Variants in CRPPA observed in about 807,000 individuals in gnomAD.
The protein encoded by CRPPA is D-ribitol-5-phosphate cytidylyltransferase.
Under a neutral mutation model 52.0 loss-of-function variants are expected in CRPPA, and 43 were observed. That is an observed-to-expected ratio of 0.83 (90% CI 0.65 to 1.07). The LOEUF (loss-of-function observed/expected upper bound fraction) is 1.07, where lower values mean the gene tolerates loss of function less well. CRPPA is among the 50% of genes least tolerant of loss of function. CRPPA has a pLI of 0.00. For synonymous variants in CRPPA, 250 were observed against 203.5 expected (o/e 1.23, Z -1.94); for missense variants, 629 against 551.7 (o/e 1.14, Z -1.40).
chr7:16,414,457 T>A (rs1788145499), intron 1 of CRPPA, among the ~76,000 whole-genome samples: 1 of 151,924 alleles, frequency 6.6e-6, no homozygotes, highest in South Asian at 2.1e-4. Flanking sequence ...TGGCAGGAAT[T>A]TTTGCCTCCT....
chr7:16,274,980 G>T (rs1458265457), intron 6 of CRPPA, among the ~76,000 whole-genome samples: 2 of 152,076 alleles, frequency 1.3e-5, no homozygotes, highest in Non-Finnish European at 2.9e-5. Flanking sequence ...GGAGGCTGAG[G>T]CACGAGAATC....
chr7:16,314,940 T>C (rs1159744421), intron 3 of CRPPA, among the ~76,000 whole-genome samples: 1 of 152,126 alleles, frequency 6.6e-6, no homozygotes, highest in Admixed American at 6.6e-5. Context: ...TTTGGAGAAA[T>C]TTCCAGTCAT....
intron 2 of CRPPA, among the ~76,000 whole-genome samples, chr7:16,399,150 C>G (rs867161093): frequency 6.6e-6 from 1 of 152,230 alleles, no homozygotes; most frequent in East Asian, 1.9e-4. Context: ...GTGACCAAAG[C>G]ATGATTGACA....
intron 9 of CRPPA, among the ~76,000 whole-genome samples, chr7:16,169,673 T>C (rs1021875988): frequency 6.6e-6 from 1 of 152,248 alleles, no homozygotes; most frequent in Admixed American, 6.5e-5. Context: ...ATAACTGTAC[T>C]TGAAATGAAG....
chr7:16,151,503 A>G (rs1160203210), intron 9 of CRPPA, among the ~76,000 whole-genome samples: 1 of 152,140 alleles, frequency 6.6e-6, no homozygotes, highest in Non-Finnish European at 1.5e-5. Flanking sequence ...ATCAGAAGAT[A>G]ACACTATAGT....
chr7:16,409,966 A>G (rs1190262234), intron 1 of CRPPA, among the ~76,000 whole-genome samples: 1 of 152,202 alleles, frequency 6.6e-6, no homozygotes, highest in Non-Finnish European at 1.5e-5. Context: ...AGTCTCATCT[A>G]CTGGGGGCAG....
At position 16,406,117 on chromosome 7, in the gene CRPPA, G is replaced by A; in HGVS notation, c.478C>T (p.Pro160Ser). ...AGAAGGACACCTTCCTCAACAAATG[G>A]TCTCACAGCATCATGGATAATCACT... ...EVVIIHDAVR[P>S]FVEEGVLLKV... Residue 160 changes from proline to serine, a missense_variant, in exon 2 of 10, where the codon CCA becomes TCA. Physicochemically the swap from Pro to Ser is moderately conservative, Grantham distance 74. Transcript: ENST00000407010. 1 of 1,613,848 alleles carries A rather than the reference G, an allele frequency of 6.2e-7. No individual in the cohort carries two copies. Among genetic ancestry groups the A allele is most frequent in the Non-Finnish European group, 8.5e-7 (1 of 1,179,850 alleles).
chr7:16,420,065 T>C (rs967401966), intron 1 of CRPPA, among the ~76,000 whole-genome samples: 2 of 152,174 alleles, frequency 1.3e-5, no homozygotes, highest in Non-Finnish European at 2.9e-5. Flanking sequence ...TTTTGAAGCA[T>C]GTGTGAGGGT....
At chr7:16,250,367 C>T (rs968205566) in intron 8 of CRPPA, among the ~76,000 whole-genome samples, 9 of 152,138 alleles carry the variant, frequency 5.9e-5, no homozygotes, top group East Asian at 1.9e-4. Flanking sequence ...TCAGGAAATA[C>T]AGAGACCACC....
At chr7:16,281,965 T>A (rs566843685) in intron 5 of CRPPA, among the ~76,000 whole-genome samples, 1 of 152,318 alleles carries the variant, frequency 6.6e-6, no homozygotes, top group South Asian at 2.1e-4. Context: ...TAATCACTCT[T>A]GCCAAGGTCT....
chr7:16,194,580 G>A (rs1040276975), intron 9 of CRPPA, among the ~76,000 whole-genome samples: 1 of 152,094 alleles, frequency 6.6e-6, no homozygotes, highest in Non-Finnish European at 1.5e-5. Context: ...AGAACAATCT[G>A]AGTGCCAAAG....
Position 16,168,551 on chromosome 7 carries a change from A to T in CRPPA, c.1251+47515T>A, listed in dbSNP as rs906833768. Among the ~76,000 whole-genome samples, 11 of 151,532 alleles carry T rather than the reference A, an allele frequency of 7.3e-5. No homozygotes were observed. In the East Asian group the frequency reaches 2.1e-3, roughly 29 times the overall value. ...TGAAGTAAAACACACACACACACACACACACACACACACACACACACACAC... is the reference window on the plus strand; with the variant it reads ...TGAAGTAAAACACACACACACACACTCACACACACACACACACACACACAC... On this transcript the variant is annotated intron_variant, in intron 9 of 9. Coordinates refer to ENST00000407010, the MANE Select transcript of CRPPA (RefSeq NM_001101426.4).
At chr7:16,341,233 A>G (rs1321953977) in intron 3 of CRPPA, among the ~76,000 whole-genome samples, 2 of 152,068 alleles carry the variant, frequency 1.3e-5, no homozygotes, top group Non-Finnish European at 2.9e-5. Flanking sequence ...CCTAGTGTAA[A>G]CTATGAACTC....
chr7:16,366,450 A>T (rs1786590405), intron 3 of CRPPA, among the ~76,000 whole-genome samples: 1 of 152,214 alleles, frequency 6.6e-6, no homozygotes, highest in African/African-American at 2.4e-5. Flanking sequence ...GCTACAGAAG[A>T]TGTGGCTGAA....
chr7:16,373,265 T>A (rs1015044154), intron 3 of CRPPA, among the ~76,000 whole-genome samples: 1 of 151,752 alleles, frequency 6.6e-6, no homozygotes, highest in Non-Finnish European at 1.5e-5. Flanking sequence ...CATTGCAGTC[T>A]AGCCTGGGCA....
chr7:16,400,908 G>C (rs1045591948), intron 2 of CRPPA, among the ~76,000 whole-genome samples: 4 of 152,178 alleles, frequency 2.6e-5, no homozygotes, highest in Non-Finnish European at 5.9e-5. Flanking sequence ...GTGAGGTCTG[G>C]GGGAATCCTA....
chr7:16,274,220 T>C (rs976875968), intron 6 of CRPPA, among the ~76,000 whole-genome samples: 1 of 152,040 alleles, frequency 6.6e-6, no homozygotes, highest in Admixed American at 6.5e-5. Context: ...CAGCTAATTT[T>C]TTGTATTTTT....
chr7:16,411,363 T>C (rs970373870), intron 1 of CRPPA, among the ~76,000 whole-genome samples: 1 of 152,024 alleles, frequency 6.6e-6, no homozygotes, highest in Non-Finnish European at 1.5e-5. Flanking sequence ...AGGTGAAAAA[T>C]CCAGGAGAGA....
intron 9 of CRPPA, among the ~76,000 whole-genome samples, chr7:16,197,008 G>A (rs1781751707): frequency 6.6e-6 from 1 of 151,598 alleles, no homozygotes; most frequent in Non-Finnish European, 1.5e-5. Context: ...CAACATGTTG[G>A]GAAAAACCCT....
Sources: gnomAD v4.1 joint callset for allele counts (sites outside exome capture counted in the v4.1 genomes callset) on GRCh38, gnomAD v4.1.1 for gene constraint, MANE v1.5 for transcripts, NCBI Gene and HGNC (gene_info 2026-07-23, HGNC 2026-07-21) for gene names.